PAM: variants seen among roughly 807,000 people sequenced by gnomAD.
The protein encoded by PAM is peptidyl-glycine alpha-amidating monooxygenase.
In PAM, 72 loss-of-function variants were observed where a neutral mutation model predicts 122.1. The ratio of observed to expected loss-of-function variants is 0.59; its 90% CI spans 0.49 to 0.72. PAM has a LOEUF of 0.72. Ranked by LOEUF, PAM falls within the 30% of genes least tolerant of loss-of-function variation. PAM has a pLI of 0.00. For missense variants in PAM, 1,106 were observed against 1,183.7 expected, an observed-to-expected ratio of 0.93 and a Z score of 0.96; for synonymous variants, 389 against 404.4, an observed-to-expected ratio of 0.96 and a Z score of 0.46.
chr5:102,935,910 T>C (rs1235977753), intron 7 of PAM, among the ~76,000 whole-genome samples: 1 of 152,110 alleles, frequency 6.6e-6, no homozygotes, highest in Non-Finnish European at 1.5e-5. Flanking sequence ...CTGAATCAGA[T>C]GCACAGAAGG....
intron 7 of PAM, among the ~76,000 whole-genome samples, chr5:102,946,062 T>A (rs536000439): frequency 6.6e-6 from 1 of 152,300 alleles, no homozygotes; most frequent in Non-Finnish European, 1.5e-5. Context: ...AAGATCAGCA[T>A]AGAGGTTATG....
At chr5:103,015,568 A>G (rs1481779549) in intron 21 of PAM, among the ~76,000 whole-genome samples, 1 of 152,182 alleles carries the variant, frequency 6.6e-6, no homozygotes, top group Non-Finnish European at 1.5e-5. Flanking sequence ...AAATGACACA[A>G]AGCACTAGAA....
At chr5:103,015,941 A>T (rs574628060) in intron 21 of PAM, among the ~76,000 whole-genome samples, 20 of 152,312 alleles carry the variant, frequency 1.3e-4, no homozygotes, top group Admixed American at 8.5e-4. Flanking sequence ...CCTATCAGAA[A>T]ATATGAAGTA....
intron 3 of PAM, among the ~76,000 whole-genome samples, chr5:102,876,424 G>A (rs1789241808): frequency 6.6e-6 from 1 of 152,108 alleles, no homozygotes; most frequent in South Asian, 2.1e-4. Flanking sequence ...TACCATTGAA[G>A]AGTTTCCTGC....
intron 1 of PAM, among the ~76,000 whole-genome samples, chr5:102,835,544 G>A (rs1341579845): frequency 6.6e-6 from 1 of 151,738 alleles, no homozygotes; most frequent in African/African-American, 2.4e-5. Flanking sequence ...ATAGAAAAAA[G>A]TATACAAAAA....
intron 7 of PAM, among the ~76,000 whole-genome samples, chr5:102,936,857 T>C (rs1355879275): frequency 2.0e-5 from 3 of 152,136 alleles, no homozygotes; most frequent in Non-Finnish European, 4.4e-5. Context: ...CTTTGACAAC[T>C]GGCGCTCAAA....
intron 3 of PAM, chr5:102,873,904 G>A (rs1332641484): frequency 1.3e-5 from 2 of 152,028 alleles, no homozygotes; most frequent in Non-Finnish European, 2.9e-5. Flanking sequence ...CTAGCATGGT[G>A]ATCTTCCTAT....
chr5:102,764,661 G>T (rs1753353156), intron 1 of PAM, among the ~76,000 whole-genome samples: 1 of 152,178 alleles, frequency 6.6e-6, no homozygotes, highest in African/African-American at 2.4e-5. Context: ...ATTATCTTCA[G>T]TCCTGATCAG....
chr5:102,931,404 G>T (rs1389685994), intron 7 of PAM, among the ~76,000 whole-genome samples: 1 of 152,170 alleles, frequency 6.6e-6, no homozygotes, highest in African/African-American at 2.4e-5. Context: ...GAGAATTGGG[G>T]ATTCCTCCAG....
intron 1 of PAM, among the ~76,000 whole-genome samples, chr5:102,844,253 C>T (rs1779397169): frequency 6.6e-6 from 1 of 152,096 alleles, no homozygotes; most frequent in Non-Finnish European, 1.5e-5. Flanking sequence ...AAACAATAAG[C>T]TTTTTGAGAT....
intron 3 of PAM, among the ~76,000 whole-genome samples, chr5:102,872,497 ACTT>A (rs1361187264): frequency 1.3e-5 from 2 of 152,208 alleles, no homozygotes; most frequent in Admixed American, 1.3e-4. Context: ...ACGTACTTTA[ACTT>A]CTTCATTTTC....
At position 103,017,361 on chromosome 5, in the gene PAM, G is replaced by C; in HGVS notation, c.2359G>C (p.Ala787Pro). The C allele has an allele frequency of 6.2e-7, 1 of 1,611,382 alleles. No individual in the cohort carries two copies. The highest frequency in any genetic ancestry group is 1.1e-5 in the South Asian group (1 of 90,898). Residue 787 changes from alanine (A) to proline (P), a missense_variant, in exon 22 of 26, where the codon GCA becomes CCA. Ala to Pro is a conservative substitution (Grantham distance 27, BLOSUM62 -1). Coordinates refer to ENST00000438793, the MANE Select transcript of PAM (RefSeq NM_001177306.2). ...CTTTGATATGCCTCATGATATTGTT[G>C]CATCTGAAGATGGGACTGTGTACAT... ...KHFDMPHDIV[A>P]SEDGTVYIGD... is the part of the protein sequence containing the mutation.
At chr5:102,868,174 G>T (rs924968939) in intron 3 of PAM, among the ~76,000 whole-genome samples, 2 of 152,232 alleles carry the variant, frequency 1.3e-5, no homozygotes, top group African/African-American at 4.8e-5. Context: ...TTGAAGGGCT[G>T]CAGAGACAGG....
intron 24 of PAM, among the ~76,000 whole-genome samples, chr5:103,026,274 A>G (rs953640121): frequency 1.3e-5 from 2 of 152,154 alleles, no homozygotes; most frequent in Non-Finnish European, 2.9e-5. Flanking sequence ...GAAGAAATCC[A>G]TGGATCAGGG....
intron 1 of PAM, among the ~76,000 whole-genome samples, chr5:102,825,540 C>T (rs1051446015): frequency 3.3e-5 from 5 of 152,090 alleles, no homozygotes; most frequent in Non-Finnish European, 7.4e-5. Context: ...TCATGAGAAA[C>T]GGGCCTGGAG....
At position 102,949,574 on chromosome 5, in the gene PAM, T is replaced by C. The variant is rs1163004423; in HGVS notation, c.681T>C (p.Tyr227=). ...ACATTTCATGCCATTATAAAAATTA[T>C]CCAATGCATGTCTTTGCCTATAGAG... is the stretch of plus-strand genomic sequence containing the variant. ...NSDISCHYKN[Y]PMHVFAYRVH... Residue 227 remains tyrosine (Y), a synonymous_variant, in exon 10 of 26, where the codon TAT becomes TAC. Coordinates refer to ENST00000438793, the MANE Select transcript of PAM (RefSeq NM_001177306.2). 44 of 1,555,698 alleles carry C rather than the reference T, an allele frequency of 2.8e-5. No individual in the cohort carries two copies. Among genetic ancestry groups the C allele is most frequent in the East Asian group, 4.5e-5 (2 of 44,516 alleles).
At position 102,882,083 on chromosome 5, in the gene PAM, ATATATATATATATATATATATATATAT is replaced by A. The variant is rs1158475105; in HGVS notation, c.210+14691_210+14717del. Among the ~76,000 whole-genome samples the A allele has an allele frequency of 4.9e-4, 32 of 65,672 alleles. 1 individual carries two copies. In the East Asian group the frequency reaches 9.8e-3, roughly 20 times the overall value. The allele number at this position is 65,672 out of a possible 152,430, so 43.1% of individuals were successfully genotyped here. A position where few individuals can be genotyped will look rare whatever the true frequency, so the allele number is the denominator to read the frequency against. On this transcript the variant is annotated intron_variant, in intron 3 of 25. Transcript: ENST00000438793. The stretch of plus-strand genomic sequence containing the variant: ...TATATATATATATATATATATATAT[ATATATATATATATATATATATATATAT>A]ACACCACATTTTCTTTATCCACTCA...
At chr5:102,954,692 T>C (rs891794285) in intron 12 of PAM, among the ~76,000 whole-genome samples, 29 of 152,054 alleles carry the variant, frequency 1.9e-4, no homozygotes, top group Non-Finnish European at 3.5e-4. Flanking sequence ...CTTCTCTAAA[T>C]TCGTTTCAAA....
intron 1 of PAM, among the ~76,000 whole-genome samples, chr5:102,847,709 G>A (rs7718441): frequency 0.11 from 16,895 of 151,952 alleles, 2,191 homozygotes; most frequent in African/African-American, 0.31. Context: ...AGACTATTCC[G>A]GTGAGAGTAC....
Sources: gnomAD v4.1 joint callset for allele counts (sites outside exome capture counted in the v4.1 genomes callset) on GRCh38, gnomAD v4.1.1 for gene constraint, MANE v1.5 for transcripts, NCBI Gene and HGNC (gene_info 2026-07-23, HGNC 2026-07-21) for gene names.